The following PLCB4 variants were observed in gnomAD, a reference collection of about 807,000 sequenced individuals.
The protein encoded by PLCB4 is phospholipase C beta 4.
PLCB4 carries 77 observed loss-of-function variants against 178.8 expected under a neutral mutation model. The ratio of observed to expected loss-of-function variants is 0.43; its 90% CI spans 0.36 to 0.52. The LOEUF (loss-of-function observed/expected upper bound fraction) is 0.52. Among genes scored for constraint, PLCB4 ranks in the 20% least tolerant of loss-of-function variants. The pLI is 0.00. For synonymous variants in PLCB4, 496 were observed against 490.8 expected (o/e 1.01, Z -0.14); for missense variants, 1,024 against 1,453.4 (o/e 0.70, Z 4.80).
chr20:9,087,371 A>G (rs1225241194), intron 1 of PLCB4, among the ~76,000 whole-genome samples: 1 of 152,188 alleles, frequency 6.6e-6, no homozygotes, highest in African/African-American at 2.4e-5. Flanking sequence ...GATGGGCCAC[A>G]CTTAGTGAGA....
intron 2 of PLCB4, among the ~76,000 whole-genome samples, chr20:9,200,006 G>A (rs1007150334): frequency 4.2e-5 from 6 of 144,530 alleles, no homozygotes; most frequent in African/African-American, 1.6e-4. Context: ...AGGAGAGAGA[G>A]AATGGTATTC....
intron 7 of PLCB4, among the ~76,000 whole-genome samples, chr20:9,350,739 A>T (rs1165774989): frequency 6.6e-6 from 1 of 152,100 alleles, no homozygotes; most frequent in African/African-American, 2.4e-5. Context: ...TTGTATTTTT[A>T]GTAGAGACCG....
chr20:9,308,032 A>T (rs2094790960), intron 4 of PLCB4, 134 bp downstream of exon 4: 2 of 477,394 alleles, frequency 4.2e-6, no homozygotes, highest in Non-Finnish European at 3.7e-6. Context: ...TGTTGAAAAG[A>T]GGCAAGTTAT....
chr20:9,181,857 A>G (rs970861575), intron 2 of PLCB4, among the ~76,000 whole-genome samples: 2 of 152,192 alleles, frequency 1.3e-5, no homozygotes. Context: ...TGTTCTGTAG[A>G]GCTTCTTAGA....
chr20:9,186,801 T>G (rs941108931), intron 2 of PLCB4, among the ~76,000 whole-genome samples: 3 of 152,066 alleles, frequency 2.0e-5, no homozygotes, highest in Admixed American at 2.0e-4. Context: ...GAGTTTCTTT[T>G]CCTCCAGCCC....
Position 9,465,932 on chromosome 20 carries a change from T to A in PLCB4, c.3249-2639T>A, listed in dbSNP as rs146187281. ...CTTTCTTCACAGAATTGGAAAAAACTATTTTAAAGTTCATATGGAACCAAA... is the reference window on the plus strand; with the variant it reads ...CTTTCTTCACAGAATTGGAAAAAACAATTTTAAAGTTCATATGGAACCAAA... On this transcript the variant is annotated intron_variant, in intron 35 of 39. Coordinates refer to ENST00000378473, the MANE Select transcript of PLCB4 (RefSeq NM_001377142.1). Among the ~76,000 whole-genome samples, 11 of 152,298 alleles carry A rather than the reference T, an allele frequency of 7.2e-5. No individual in the cohort carries two copies. In the East Asian group the frequency reaches 1.9e-3, roughly 27 times the overall value.
intron 35 of PLCB4, among the ~76,000 whole-genome samples, chr20:9,465,475 G>A (rs2122550456): frequency 6.6e-6 from 1 of 152,258 alleles, no homozygotes. Flanking sequence ...ATTCATTTAG[G>A]AAAAGAGGAA....
intron 3 of PLCB4, among the ~76,000 whole-genome samples, chr20:9,278,296 C>T (rs937770695): frequency 9.2e-5 from 14 of 151,986 alleles, no homozygotes; most frequent in African/African-American, 1.9e-4. Flanking sequence ...GTGTATTTCA[C>T]GACAGTCCAG....
chr20:9,474,060 T>A (rs575080328), intron 38 of PLCB4, among the ~76,000 whole-genome samples: 1 of 152,100 alleles, frequency 6.6e-6, no homozygotes, highest in Admixed American at 6.6e-5. Context: ...CTACTAAAAA[T>A]ACAAAAATTA....
At chr20:9,160,930 AGAG>A (rs1386745871) in intron 2 of PLCB4, among the ~76,000 whole-genome samples, 1 of 152,174 alleles carries the variant, frequency 6.6e-6, no homozygotes, top group Non-Finnish European at 1.5e-5. Flanking sequence ...AGTTTGCTAG[AGAG>A]GAGAAGTGCT....
At chr20:9,392,097 A>G (rs924430422) in intron 17 of PLCB4, among the ~76,000 whole-genome samples, 2 of 152,224 alleles carry the variant, frequency 1.3e-5, no homozygotes, top group African/African-American at 4.8e-5. Flanking sequence ...CTTTCTGATT[A>G]GGTTAAGGTG....
chr20:9,267,780 C>T (rs565650738), intron 3 of PLCB4, among the ~76,000 whole-genome samples: 1 of 152,192 alleles, frequency 6.6e-6, no homozygotes, highest in African/African-American at 2.4e-5. Context: ...TTAAGATGTG[C>T]TTGATTCATG....
Position 9,453,994 on chromosome 20 carries a change from G to A in PLCB4, c.2996+532G>A, listed in dbSNP as rs553228767. ...ACATTTTACCAGTTTTTCCACAAGT[G>A]CTTGTTTTCCACTCTGGGATCACCT... On this transcript the variant is annotated intron_variant, in intron 33 of 39. Transcript: ENST00000378473. Among the ~76,000 whole-genome samples, 263 of 152,262 alleles carry A rather than the reference G, an allele frequency of 1.7e-3. 2 individuals carry two copies. In the South Asian group the frequency reaches 0.023, roughly 13 times the overall value.
At chr20:9,455,525 A>G (rs984053787) in intron 33 of PLCB4, among the ~76,000 whole-genome samples, 6 of 152,196 alleles carry the variant, frequency 3.9e-5, no homozygotes, top group Non-Finnish European at 8.8e-5. Context: ...CTTGGTAATT[A>G]TTAGAAGTGT....
At chr20:9,324,148 C>G (rs570298099) in intron 4 of PLCB4, among the ~76,000 whole-genome samples, 186 of 148,744 alleles carry the variant, frequency 1.3e-3, no homozygotes, top group African/African-American at 4.5e-3. Context: ...GCACTCCAGC[C>G]TAGGTGATAG....
intron 2 of PLCB4, among the ~76,000 whole-genome samples, chr20:9,104,021 T>C (rs558242727): frequency 2.0e-4 from 31 of 152,200 alleles, no homozygotes; most frequent in Admixed American, 6.5e-4. Context: ...ACCGTGAAAC[T>C]AAGTGCTTGA....
intron 3 of PLCB4, among the ~76,000 whole-genome samples, chr20:9,223,426 GT>G (rs1386825277): frequency 6.6e-6 from 1 of 152,210 alleles, no homozygotes; most frequent in Non-Finnish European, 1.5e-5. Flanking sequence ...TTACCTCTCA[GT>G]TTTTCTGTGG....
intron 32 of PLCB4, among the ~76,000 whole-genome samples, chr20:9,446,568 A>ATGCC (rs2042426204): frequency 6.6e-6 from 1 of 152,160 alleles, no homozygotes; most frequent in South Asian, 2.1e-4. Flanking sequence ...ATATACACCG[A>ATGCC]TGCCAGCTCT....
intron 35 of PLCB4, 146 bp downstream of exon 35, chr20:9,459,956 T>G: frequency 3.3e-6 from 2 of 605,148 alleles, no homozygotes; most frequent in South Asian, 4.2e-5. Flanking sequence ...TATGGCTGAT[T>G]ATGAGCAAGA....
Sources: allele counts gnomAD v4.1 joint callset (sites outside exome capture counted in the v4.1 genomes callset), GRCh38; gene constraint gnomAD v4.1.1; transcripts MANE v1.5; gene names NCBI Gene and HGNC (gene_info 2026-07-23, HGNC 2026-07-21).